Variants in VEGFC observed in about 807,000 individuals in gnomAD.
The protein encoded by VEGFC is vascular endothelial growth factor C.
Under a neutral mutation model 46.1 loss-of-function variants are expected in VEGFC, and 12 were observed. The ratio of observed to expected loss-of-function variants is 0.26; its 90% confidence interval spans 0.17 to 0.42. The LOEUF (loss-of-function observed/expected upper bound fraction) is 0.42. Ranked by LOEUF, VEGFC falls within the 10% of genes least tolerant of loss-of-function variation. The pLI is 1.00. For missense variants in VEGFC, 488 were observed against 529.4 expected (o/e 0.92, Z 0.77); for synonymous variants, 232 against 195.5 (o/e 1.19, Z -1.56).
chr4:176,766,552 A>G (rs563151063), intron 1 of VEGFC, among the ~76,000 whole-genome samples: 1 of 148,350 alleles, frequency 6.7e-6, no homozygotes, highest in African/African-American at 2.5e-5. Context: ...GCACTATTGC[A>G]CTTCAGCCTG....
chr4:176,700,975 C>T (rs1246251963), intron 4 of VEGFC, among the ~76,000 whole-genome samples: 2 of 152,224 alleles, frequency 1.3e-5, no homozygotes, highest in Non-Finnish European at 2.9e-5. Flanking sequence ...AGGCGGAACA[C>T]GGAGACTTTT....
At chr4:176,739,019 G>A (rs1259088776) in intron 1 of VEGFC, among the ~76,000 whole-genome samples, 2 of 151,106 alleles carry the variant, frequency 1.3e-5, no homozygotes, top group African/African-American at 4.9e-5. Flanking sequence ...CTCAAAAGAA[G>A]ACATACATGC....
At chr4:176,690,432 C>T (rs1238854199) in intron 4 of VEGFC, among the ~76,000 whole-genome samples, 1 of 151,676 alleles carries the variant, frequency 6.6e-6, no homozygotes, top group East Asian at 1.9e-4. Flanking sequence ...GCATCCGTTA[C>T]ACATTATTGT....
intron 6 of VEGFC, 107 bp from the exon 7 acceptor site, chr4:176,684,147 C>A: frequency 1.2e-6 from 1 of 829,986 alleles, no homozygotes; most frequent in Non-Finnish European, 1.9e-6. Context: ...AATAAAATTA[C>A]TAATTTTATG....
Position 176,792,259 on chromosome 4 carries a change from A to C in VEGFC, c.53T>G (p.Leu18Arg). Reference sequence around the variant, plus strand: ...GGGCGCCTCGCGAGGACCCGGGAGCAGCGCAGCGGCGAGCAGAGAACACGC... The same window carrying C: ...GGGCGCCTCGCGAGGACCCGGGAGCCGCGCAGCGGCGAGCAGAGAACACGC... ...SVACSLLAAALLPGPREAPAA... is the reference protein window; with the variant it reads ...SVACSLLAAARLPGPREAPAA... The change falls in exon 1 of 7, where the codon CTG (leucine) becomes CGG (arginine). Residue 18 changes from leucine (L) to arginine (R), a missense_variant. Physicochemically the swap from Leu to Arg is moderately radical, Grantham distance 102. Coordinates refer to ENST00000618562, the MANE Select transcript of VEGFC (RefSeq NM_005429.5). This position sits in a 1 kb window ranked among gnomAD's most constrained non-coding sequence, Gnocchi z 6.3. 1 of 1,555,678 alleles carries C rather than the reference A, an allele frequency of 6.4e-7. No homozygotes were observed. The highest frequency in any genetic ancestry group is 1.9e-5 in the Admixed American group (1 of 51,682).
chr4:176,691,804 G>C (rs185906893), intron 4 of VEGFC, among the ~76,000 whole-genome samples: 711 of 152,288 alleles, frequency 4.7e-3, no homozygotes, highest in Non-Finnish European at 5.2e-3. Context: ...AGCCAAGATG[G>C]CCAAATAGGA....
intron 1 of VEGFC, among the ~76,000 whole-genome samples, chr4:176,779,056 A>G (rs1156930368): frequency 6.6e-6 from 1 of 152,198 alleles, no homozygotes; most frequent in Non-Finnish European, 1.5e-5. Flanking sequence ...ATAGTGCTGT[A>G]TTTATGAATA....
chr4:176,707,997 A>G (rs1242770047), intron 4 of VEGFC, among the ~76,000 whole-genome samples: 3 of 151,830 alleles, frequency 2.0e-5, no homozygotes, highest in Admixed American at 2.0e-4. Flanking sequence ...TGTTAGTCAT[A>G]CCATTACATG....
chr4:176,777,197 G>A (rs540314071), intron 1 of VEGFC, among the ~76,000 whole-genome samples: 2 of 152,184 alleles, frequency 1.3e-5, no homozygotes, highest in Non-Finnish European at 2.9e-5. Flanking sequence ...GGCGCCTGTA[G>A]TCCCAGCTAC....
chr4:176,702,379 G>A (rs775184302), intron 4 of VEGFC, among the ~76,000 whole-genome samples: 48 of 151,664 alleles, frequency 3.2e-4, no homozygotes, highest in Non-Finnish European at 5.7e-4. Flanking sequence ...ACCACGAGGC[G>A]ACTGTCTTCC....
chr4:176,705,071 A>T (rs1463917529), intron 4 of VEGFC, among the ~76,000 whole-genome samples: 1 of 152,206 alleles, frequency 6.6e-6, no homozygotes, highest in African/African-American at 2.4e-5. Context: ...CTATACTAGA[A>T]ATATTGTTTG....
At position 176,788,688 on chromosome 4, in the gene VEGFC, A is replaced by T. The variant is rs1736042011; in HGVS notation, c.147+3477T>A. ...TACTGCATATTATTAGCCCAGGAAAAGATCAAAATTCAAACCTTGAAGTAT... is the reference window on the plus strand; with the variant it reads ...TACTGCATATTATTAGCCCAGGAAATGATCAAAATTCAAACCTTGAAGTAT... On this transcript the variant is annotated intron_variant, in intron 1 of 6. Coordinates refer to ENST00000618562, the MANE Select transcript of VEGFC (RefSeq NM_005429.5). 2.0e-5 allele frequency among the ~76,000 whole-genome samples: 3 copies of T among 152,184 alleles called. No homozygotes were observed. The South Asian group carries it at 6.2e-4, about 32-fold the overall frequency.
chr4:176,771,049 A>T (rs1735713580), intron 1 of VEGFC, among the ~76,000 whole-genome samples: 1 of 151,964 alleles, frequency 6.6e-6, no homozygotes, highest in Admixed American at 6.6e-5. Flanking sequence ...TTTTTAAAAA[A>T]GGAATCAAAG....
At chr4:176,729,849 C>G in intron 1 of VEGFC, 103 bp from the exon 2 acceptor site, 1 of 685,920 alleles carries the variant, frequency 1.5e-6, no homozygotes, top group Non-Finnish European at 2.1e-6. Flanking sequence ...GCTCCGTTCC[C>G]TAACACAAAT....
intron 5 of VEGFC, 42 bp downstream of exon 5, chr4:176,687,779 T>C: frequency 1.4e-6 from 2 of 1,388,792 alleles, no homozygotes; most frequent in African/African-American, 1.4e-5. Flanking sequence ...AATCACAATA[T>C]AGACCCCTGG....
In VEGFC at chr4:176,768,419, G is replaced by A. The variant is rs145288980; in HGVS notation, c.147+23746C>T. Among the ~76,000 whole-genome samples, 284 of 148,220 alleles carry A rather than the reference G, an allele frequency of 1.9e-3. 2 individuals carry two copies. Among genetic ancestry groups the A allele is most frequent in the African/African-American group, 6.7e-3 (273 of 40,858 alleles). On this transcript the variant is annotated intron_variant, in intron 1 of 6. Transcript: ENST00000618562. ...AGTAACCACCACTGAGGTAAAATGA[G>A]TGCATTGAAGACAAAGCTGAAAAAT...
intron 1 of VEGFC, among the ~76,000 whole-genome samples, chr4:176,767,137 A>AAAAAAAAAAAAAAAAAAC: frequency 6.7e-6 from 1 of 149,368 alleles, no homozygotes; most frequent in Middle Eastern, 3.4e-3. Flanking sequence ...AAAAAAAAAA[A>AAAAAAAAAAAAAAAAAAC]AAAAAAACAA....
chr4:176,792,236 G>C lies in VEGFC; in HGVS notation c.76C>G (p.Pro26Ala), dbSNP rs1235033659. The change falls in exon 1 of 7, where the codon CCC (proline) becomes GCC (alanine). Residue 26 changes from proline (P) to alanine (A), a missense_variant. Physicochemically the swap from Pro to Ala is conservative, Grantham distance 27 (BLOSUM62 -1). Transcript: ENST00000618562. This position sits in a 1 kb window ranked among gnomAD's most constrained non-coding sequence, Gnocchi z 6.3. ...AALLPGPREAPAAAAAFESGL... is the reference protein window; with the variant it reads ...AALLPGPREAAAAAAAFESGL... ...GACTCGAAGGCGGCGGCGGCGGCGG[G>C]CGCCTCGCGAGGACCCGGGAGCAGC... The C allele has an allele frequency of 6.4e-7, 1 of 1,557,978 alleles. No homozygotes were observed. The highest frequency in any genetic ancestry group is 8.7e-7 in the Non-Finnish European group (1 of 1,155,410).
At chr4:176,737,085 A>T (rs28455685) in intron 1 of VEGFC, among the ~76,000 whole-genome samples, 8,111 of 150,742 alleles carry the variant, frequency 0.054, 412 homozygotes, top group African/African-American at 0.12. Flanking sequence ...GATAATATTA[A>T]TGAAAAGACC....
Sources: gnomAD v4.1 joint callset for allele counts (sites outside exome capture counted in the v4.1 genomes callset) on GRCh38, gnomAD v4.1.1 for gene constraint, Gnocchi (gnomAD v3.1) non-coding constraint, MANE v1.5 for transcripts, NCBI Gene and HGNC (gene_info 2026-07-23, HGNC 2026-07-21) for gene names.